The following IGSF21 variants were observed in gnomAD, a reference collection of about 807,000 sequenced individuals.
IGSF21 encodes immunoglobin superfamily member 21.
IGSF21 carries 28 observed loss-of-function variants against 46.8 expected under a neutral mutation model. The ratio of observed to expected loss-of-function variants is 0.60; its 90% confidence interval spans 0.44 to 0.82. IGSF21 has a LOEUF of 0.82. Ranked by LOEUF, IGSF21 falls within the 40% of genes least tolerant of loss-of-function variation. The probability of loss-of-function intolerance (pLI) is 0.00; values close to 1 mark genes in which losing one functional copy is unlikely to be tolerated. For missense variants in IGSF21, 624 were observed against 665.5 expected (o/e 0.94, Z 0.69); for synonymous variants, 284 against 273.6 (o/e 1.04, Z -0.38).
intron 1 of IGSF21, among the ~76,000 whole-genome samples, chr1:18,134,253 T>C (rs547200468): frequency 6.6e-6 from 1 of 152,134 alleles, no homozygotes; most frequent in Non-Finnish European, 1.5e-5. Context: ...GCATTTTTGC[T>C]GTTTAGAGGT....
chr1:18,291,117 C>T (rs947921959), intron 2 of IGSF21, among the ~76,000 whole-genome samples: 1 of 152,236 alleles, frequency 6.6e-6, no homozygotes, highest in Non-Finnish European at 1.5e-5. Context: ...GGGAAGCAGG[C>T]GGGCGGCAGC....
chr1:18,177,334 C>A (rs1416478662), intron 1 of IGSF21, among the ~76,000 whole-genome samples: 4 of 31,430 alleles, frequency 1.3e-4, no homozygotes. Flanking sequence ...GAGCCCTGAG[C>A]ATGTACCCAG....
intron 4 of IGSF21, among the ~76,000 whole-genome samples, chr1:18,354,522 AAG>A (rs1362075683): frequency 2.6e-5 from 4 of 152,252 alleles, no homozygotes; most frequent in African/African-American, 9.6e-5. Flanking sequence ...TGTAATGACT[AAG>A]AGCTGATTGA....
chr1:18,363,022 T>A (rs937094672), intron 5 of IGSF21, among the ~76,000 whole-genome samples: 1 of 152,168 alleles, frequency 6.6e-6, no homozygotes, highest in Non-Finnish European at 1.5e-5. Context: ...AGGACCCTTT[T>A]GGTCTAAATG....
chr1:18,261,816 C>A (rs912866800), intron 2 of IGSF21, among the ~76,000 whole-genome samples: 1 of 152,176 alleles, frequency 6.6e-6, no homozygotes, highest in Non-Finnish European at 1.5e-5. Context: ...AGCCCCCCGA[C>A]CCCTCAGACA....
At chr1:18,222,163 C>T (rs947617591) in intron 1 of IGSF21, among the ~76,000 whole-genome samples, 2 of 152,158 alleles carry the variant, frequency 1.3e-5, no homozygotes, top group African/African-American at 2.4e-5. Flanking sequence ...GAGGGATGAA[C>T]CCCGAAGTGC....
intron 4 of IGSF21, among the ~76,000 whole-genome samples, chr1:18,350,782 C>T (rs532387551): frequency 1.3e-5 from 2 of 152,270 alleles, no homozygotes; most frequent in Admixed American, 6.5e-5. Flanking sequence ...CTCTCTGACT[C>T]GGGAAATCAA....
At chr1:18,151,350 T>C (rs1188371076) in intron 1 of IGSF21, among the ~76,000 whole-genome samples, 1 of 152,336 alleles carries the variant, frequency 6.6e-6, no homozygotes, top group East Asian at 1.9e-4. Context: ...ATCCAGGCAA[T>C]GGTTCTGGGG....
intron 3 of IGSF21, among the ~76,000 whole-genome samples, chr1:18,319,887 C>A (rs754761144): frequency 9.2e-5 from 14 of 152,168 alleles, no homozygotes; most frequent in Non-Finnish European, 1.6e-4. Context: ...TCAAAGGTTA[C>A]TTTGTTTACC....
intron 1 of IGSF21, among the ~76,000 whole-genome samples, chr1:18,150,987 G>C (rs561236799): frequency 2.0e-5 from 3 of 152,340 alleles, no homozygotes; most frequent in Non-Finnish European, 4.4e-5. Context: ...GCCTGTCCCA[G>C]TTGGCACCAG....
chr1:18,266,828 A>C (rs747567545), intron 2 of IGSF21, among the ~76,000 whole-genome samples: 2 of 152,260 alleles, frequency 1.3e-5, no homozygotes, highest in Admixed American at 1.3e-4. Context: ...TCACAGCCAC[A>C]GTGTGCACCT....
intron 1 of IGSF21, among the ~76,000 whole-genome samples, chr1:18,201,746 C>T (rs1355814813): frequency 6.6e-6 from 1 of 152,198 alleles, no homozygotes; most frequent in Non-Finnish European, 1.5e-5. Context: ...TGGCATCCCT[C>T]TCCCATCCCA....
rs557312239 is a variant in IGSF21 at position 18,182,475 on chromosome 1, G to A, written c.71-45423G>A. Among the ~76,000 whole-genome samples the A allele has an allele frequency of 1.6e-3, 247 of 152,202 alleles. 4 individuals are homozygous for A. Among genetic ancestry groups the A allele is most frequent in the Admixed American group, 6.3e-3 (97 of 15,276 alleles). On this transcript the variant is annotated intron_variant, in intron 1 of 9. Transcript: ENST00000251296. ...ATTACAGGCATTAGCCACTGCACCC[G>A]ACCCCCAGAAAGTGTCTTTTGAGGG...
At chr1:18,204,369 G>A (rs1028959170) in intron 1 of IGSF21, among the ~76,000 whole-genome samples, 1 of 152,226 alleles carries the variant, frequency 6.6e-6, no homozygotes, top group African/African-American at 2.4e-5. Flanking sequence ...AGTAGTCATT[G>A]TTGCTGCTGT....
chr1:18,339,749 A>G (rs2085809133), intron 4 of IGSF21, among the ~76,000 whole-genome samples: 2 of 152,168 alleles, frequency 1.3e-5, no homozygotes, highest in Admixed American at 1.3e-4. Context: ...CCAAACCAAT[A>G]AAACCAAACA....
At chr1:18,128,787 G>A (rs1050057938) in intron 1 of IGSF21, among the ~76,000 whole-genome samples, 126 of 91,808 alleles carry the variant, frequency 1.4e-3, no homozygotes, top group Non-Finnish European at 2.1e-3. Context: ...TTGCTCATTC[G>A]CTGTGTGTGT....
chr1:18,349,399 G>A lies in IGSF21; in HGVS notation c.425-12716G>A, dbSNP rs1029393360. Among the ~76,000 whole-genome samples, 63 of 152,140 alleles carry A rather than the reference G, an allele frequency of 4.1e-4. 4 individuals carry two copies. On this transcript the variant is annotated intron_variant, in intron 4 of 9. Transcript: ENST00000251296. Reference sequence around the variant, plus strand: ...AGGGTGCAAGCTAAGAGATGAGGAAGGAGGGAGTCCTTCCTCCAGAGGAGG... The same window carrying A: ...AGGGTGCAAGCTAAGAGATGAGGAAAGAGGGAGTCCTTCCTCCAGAGGAGG...
At chr1:18,243,301 G>T (rs948742358) in intron 2 of IGSF21, among the ~76,000 whole-genome samples, 14 of 152,018 alleles carry the variant, frequency 9.2e-5, no homozygotes, top group African/African-American at 3.4e-4. Flanking sequence ...TCAGCGAACG[G>T]CATCACCATC....
At chr1:18,265,070 T>G (rs2084978018) in intron 2 of IGSF21, among the ~76,000 whole-genome samples, 1 of 152,200 alleles carries the variant, frequency 6.6e-6, no homozygotes, top group African/African-American at 2.4e-5. Flanking sequence ...GAAAGATTTA[T>G]TTTATTTTGT....
Sources: allele counts gnomAD v4.1 joint callset (sites outside exome capture counted in the v4.1 genomes callset), GRCh38; gene constraint gnomAD v4.1.1; transcripts MANE v1.5; gene names NCBI Gene and HGNC (gene_info 2026-07-23, HGNC 2026-07-21).